ARAP2: variants seen among roughly 807,000 people sequenced by gnomAD.
ARAP2 encodes ArfGAP with RhoGAP domain, ankyrin repeat and PH domain 2, also known as arf-GAP with Rho-GAP domain, ANK repeat and PH domain-containing protein 2.
Under a neutral mutation model 194.5 loss-of-function variants are expected in ARAP2, and 148 were observed. That is an observed-to-expected ratio of 0.76 (90% confidence interval 0.67 to 0.87). The LOEUF (loss-of-function observed/expected upper bound fraction) is 0.87, where lower values mean the gene tolerates loss of function less well. Among genes scored for constraint, ARAP2 ranks in the 40% least tolerant of loss-of-function variants. The pLI, the probability that ARAP2 is intolerant of heterozygous loss-of-function variation, is 0.00. For synonymous variants in ARAP2, 695 were observed against 683.5 expected (o/e 1.02, Z -0.26); for missense variants, 2,128 against 1,989.7 (o/e 1.07, Z -1.32).
intron 6 of ARAP2, among the ~76,000 whole-genome samples, chr4:36,205,083 A>C (rs1371344375): frequency 6.6e-6 from 1 of 151,690 alleles, no homozygotes; most frequent in African/African-American, 2.4e-5. Flanking sequence ...ATTGTCAATG[A>C]AAAAAATTAA....
intron 19 of ARAP2, among the ~76,000 whole-genome samples, 174 bp downstream of exon 19, chr4:36,147,122 T>C (rs777803939): frequency 2.6e-5 from 4 of 152,030 alleles, no homozygotes; most frequent in Non-Finnish European, 4.4e-5. Context: ...GTAAATATCA[T>C]TGGTATAGTC....
In ARAP2 at chr4:36,147,345, C is replaced by G. The variant is rs369339266; in HGVS notation, c.3214G>C (p.Val1072Leu). 4 of 1,612,836 alleles carry G rather than the reference C, an allele frequency of 2.5e-6. No homozygotes were observed. Among genetic ancestry groups the G allele is most frequent in the Non-Finnish European group, 3.4e-6 (4 of 1,179,280 alleles). ...RLQELTISTMVQNGEKLDVLL... is the reference protein window; with the variant it reads ...RLQELTISTMLQNGEKLDVLL... Reference sequence around the variant, plus strand: ...ACATCCAGTTTTTCCCCATTTTGAACCATTGTGCTGATTGCTGAAGGGAGA... The same window carrying G: ...ACATCCAGTTTTTCCCCATTTTGAAGCATTGTGCTGATTGCTGAAGGGAGA... Residue 1072 changes from valine (V) to leucine (L), a missense_variant, in exon 19 of 33, where the codon GTT becomes CTT. Val to Leu is a conservative substitution (Grantham distance 32). Coordinates refer to ENST00000303965, the MANE Select transcript of ARAP2 (RefSeq NM_015230.4).
At position 36,210,611 on chromosome 4, in the gene ARAP2, A is replaced by G; in HGVS notation, c.1266T>C (p.Phe422=). 6.2e-7 allele frequency: 1 copy of G among 1,613,946 alleles called. No individual in the cohort carries two copies. The highest frequency in any genetic ancestry group is 8.5e-7 in the Non-Finnish European group (1 of 1,179,878). ...ESEYSTVEEC[F]QSLRRKNSKA... The stretch of plus-strand genomic sequence containing the variant: ...TTGAATTTTTTCTTCTTAAACTCTG[A>G]AAGCATTCTTCTACTGTTGAGTATT... The change falls in exon 6 of 33, where the codon TTT becomes TTC. Residue 422 remains phenylalanine (F), a synonymous_variant. Transcript: ENST00000303965.
chr4:36,100,675 A>ATTGG (rs1716633640), intron 27 of ARAP2, among the ~76,000 whole-genome samples: 1 of 152,086 alleles, frequency 6.6e-6, no homozygotes, highest in Non-Finnish European at 1.5e-5. Flanking sequence ...TTCACTCAAA[A>ATTGG]TGCACTTTGG....
At chr4:36,148,259 T>G (rs1475263901) in intron 17 of ARAP2, 146 bp downstream of exon 17, 1 of 578,406 alleles carries the variant, frequency 1.7e-6, no homozygotes, top group East Asian at 3.0e-5. Flanking sequence ...CTACCTCTTT[T>G]GACTACTTTT....
intron 14 of ARAP2, 137 bp from the exon 15 acceptor site, chr4:36,159,001 A>T: frequency 1.1e-6 from 1 of 872,488 alleles, no homozygotes; most frequent in South Asian, 2.8e-5. Flanking sequence ...AGAGATACTT[A>T]TTTTACTTTG....
At chr4:36,169,593 C>G (rs556852939) in intron 9 of ARAP2, among the ~76,000 whole-genome samples, 1 of 151,036 alleles carries the variant, frequency 6.6e-6, no homozygotes, top group Non-Finnish European at 1.5e-5. Flanking sequence ...TGCAATGGCA[C>G]GATCTCGGCT....
At chr4:36,050,383 T>C (rs916318818) in intron 3 of ARAP2, among the ~76,000 whole-genome samples, 2 of 152,190 alleles carry the variant, frequency 1.3e-5, no homozygotes, top group African/African-American at 4.8e-5. Flanking sequence ...TGCAGCAGTT[T>C]TTTGGAATTC....
intron 1 of ARAP2, among the ~76,000 whole-genome samples, chr4:36,233,441 T>C (rs1751890381): frequency 6.6e-6 from 1 of 152,172 alleles, no homozygotes; most frequent in Non-Finnish European, 1.5e-5. Flanking sequence ...TGTGACAAAA[T>C]GTGGTAATTA....
At chr4:36,213,189 G>C in intron 4 of ARAP2, 54 bp downstream of exon 4, 2 of 1,265,914 alleles carry the variant, frequency 1.6e-6, no homozygotes, top group Non-Finnish European at 2.3e-6. Flanking sequence ...GGTACAAATA[G>C]GCAGAAAAGC....
chr4:36,161,188 C>T (rs997273064), intron 12 of ARAP2, among the ~76,000 whole-genome samples: 7 of 141,732 alleles, frequency 4.9e-5, no homozygotes, highest in African/African-American at 1.3e-4. Flanking sequence ...CACACACACA[C>T]ATATACAGTT....
At chr4:36,091,733 T>C in intron 28 of ARAP2, 148 bp downstream of exon 28, 1 of 872,460 alleles carries the variant, frequency 1.1e-6, no homozygotes, top group Non-Finnish European at 1.6e-6. Context: ...ATTAATATCT[T>C]ATACCATAGG....
chr4:36,060,179 G>C (rs1724191250), intron 1 of ARAP2, among the ~76,000 whole-genome samples: 1 of 152,058 alleles, frequency 6.6e-6, no homozygotes, highest in African/African-American at 2.4e-5. Flanking sequence ...CTAGTGTATT[G>C]GTTGATTACT....
chr4:36,204,765 T>C (rs1357049747), intron 6 of ARAP2, among the ~76,000 whole-genome samples: 2 of 151,484 alleles, frequency 1.3e-5, no homozygotes, highest in African/African-American at 4.9e-5. Context: ...CCGAGGAGGG[T>C]AGATCACGAG....
intron 5 of ARAP2, among the ~76,000 whole-genome samples, chr4:36,028,606 CTGTT>C (rs1395121351): frequency 4.1e-5 from 4 of 97,408 alleles, no homozygotes; most frequent in Non-Finnish European, 7.2e-5. Flanking sequence ...TGTTTGTCTT[CTGTT>C]TTTTTTCCTG....
At chr4:36,208,131 G>A (rs1456729901) in intron 6 of ARAP2, among the ~76,000 whole-genome samples, 1 of 152,180 alleles carries the variant, frequency 6.6e-6, no homozygotes, top group Non-Finnish European at 1.5e-5. Context: ...GGGAGTGATG[G>A]GGTGGCAGGG....
At chr4:36,106,478 TAA>T (rs10577408) in intron 27 of ARAP2, among the ~76,000 whole-genome samples, 45,595 of 151,758 alleles carry the variant, frequency 0.3, 8,236 homozygotes, top group East Asian at 0.46. Context: ...ATGTAAGATA[TAA>T]AAGACAGTGT....
At position 36,228,937 on chromosome 4, in the gene ARAP2, T is replaced by G; in HGVS notation, c.550A>C (p.Lys184Gln). 2 of 1,614,056 alleles carry G rather than the reference T, an allele frequency of 1.2e-6. No individual in the cohort carries two copies. The highest frequency in any genetic ancestry group is 1.7e-6 in the Non-Finnish European group (2 of 1,179,974). ...DNIKIESLIT[K>Q]KTVDHTVEEQ... ...TCAACTGTGTGATCCACAGTCTTCT[T>G]TGTAATCAATGATTCTATTTTAATA... The change falls in exon 2 of 33, where the codon AAG (lysine) becomes CAG (glutamine). Residue 184 changes from lysine (K) to glutamine (Q), a missense_variant. Physicochemically the swap from Lys to Gln is moderately conservative, Grantham distance 53. Transcript: ENST00000303965.
At chr4:36,024,336 C>T (rs1028533129) in intron 5 of ARAP2, among the ~76,000 whole-genome samples, 6 of 151,972 alleles carry the variant, frequency 3.9e-5, no homozygotes, top group African/African-American at 1.5e-4. Context: ...ATATGGTATA[C>T]CGAATATTTA....
Sources: gnomAD v4.1 joint callset for allele counts (sites outside exome capture counted in the v4.1 genomes callset) on GRCh38, gnomAD v4.1.1 for gene constraint, MANE v1.5 for transcripts, NCBI Gene and HGNC (gene_info 2026-07-23, HGNC 2026-07-21) for gene names.